CYRIB: variants seen among roughly 807,000 people sequenced by gnomAD.
The protein encoded by CYRIB is CYFIP-related Rac1 interactor B.
Under a neutral mutation model 44.2 loss-of-function variants are expected in CYRIB, and 8 were observed. The ratio of observed to expected loss-of-function variants is 0.18; its 90% confidence interval spans 0.11 to 0.33. The LOEUF (loss-of-function observed/expected upper bound fraction) is 0.33. Ranked by LOEUF, CYRIB falls within the 10% of genes least tolerant of loss-of-function variation. CYRIB has a pLI of 1.00. For missense variants in CYRIB, 185 were observed against 382.8 expected (o/e 0.48, Z 4.31); for synonymous variants, 131 against 127.2 (o/e 1.03, Z -0.20).
In CYRIB at chr8:129,954,515, G is replaced by A. The variant is rs541659281; in HGVS notation, c.-243+16428C>T. Among the ~76,000 whole-genome samples the A allele has an allele frequency of 1.6e-4, 17 of 103,742 alleles. No homozygotes were observed. In the East Asian group the frequency reaches 1.6e-3, roughly 10 times the overall value. 68.1% of individuals were successfully genotyped at this position (103,742 alleles called of 152,430 possible). On this transcript the variant is annotated intron_variant, in intron 2 of 14. Transcript: ENST00000401979. ...TGGGATTACGTGCTTGAGCCACTGCGCCTGGCCTAGTTTTTTAATTTAATA... is the reference window on the plus strand; with the variant it reads ...TGGGATTACGTGCTTGAGCCACTGCACCTGGCCTAGTTTTTTAATTTAATA...
At chr8:129,906,689 T>C (rs1351413818) in intron 1 of CYRIB, among the ~76,000 whole-genome samples, 4 of 152,150 alleles carry the variant, frequency 2.6e-5, no homozygotes, top group Middle Eastern at 6.3e-3. Context: ...GAGAAAATTT[T>C]TGCAATCTAC....
At position 129,876,710 on chromosome 8, in the gene CYRIB, A is replaced by AGTCACCCAACTGCAGAGACATATTGG. The variant is rs759543228; in HGVS notation, c.73+2653_73+2678dup. On this transcript the variant is annotated intron_variant, in intron 3 of 11. Coordinates refer to ENST00000519824, the Ensembl canonical transcript of CYRIB. ...GGTAATCTGCATGAATTATTTCTGT[A>AGTCACCCAACTGCAGAGACATATTGG]GTCACCCAACTGCAGAGACATATTG... Among the ~76,000 whole-genome samples, 735 of 150,524 alleles carry AGTCACCCAACTGCAGAGACATATTGG rather than the reference A, an allele frequency of 4.9e-3. 18 individuals are homozygous for AGTCACCCAACTGCAGAGACATATTGG. Among genetic ancestry groups the AGTCACCCAACTGCAGAGACATATTGG allele is most frequent in the Non-Finnish European group, 8.0e-3 (536 of 66,922 alleles).
intron 3 of CYRIB, 21 bp from the exon 6 acceptor site, chr8:129,871,517 A>G: frequency 6.2e-7 from 1 of 1,602,188 alleles, no homozygotes; most frequent in South Asian, 1.2e-5. Flanking sequence ...GGAAAGCACA[A>G]GAAAATTTAC....
chr8:129,980,439 A>G (rs2096177365), intron 1 of CYRIB, among the ~76,000 whole-genome samples: 1 of 152,198 alleles, frequency 6.6e-6, no homozygotes, highest in African/African-American at 2.4e-5. Context: ...AACATTAATT[A>G]TTACTGTGTA....
chr8:129,982,051 TCAACTTGTCCCCATTGGC>T (rs1475167375), intron 1 of CYRIB, among the ~76,000 whole-genome samples: 1 of 152,188 alleles, frequency 6.6e-6, no homozygotes, highest in Non-Finnish European at 1.5e-5. Flanking sequence ...GAACAGGGGA[TCAACTTGTCCCCATTGGC>T]CAGGGAATTT....
chr8:130,016,526 C>CAGT (rs894207035), upstream of CYRIB: 1 of 159,304 alleles, frequency 6.3e-6, no homozygotes, highest in Non-Finnish European at 1.3e-5. Context: ...GCAGCAGCAG[C>CAGT]AGCAGCCCGG....
At position 129,853,779 on chromosome 8, in the gene CYRIB, TATCAGGCACAG is replaced by T. The variant is rs1348948099; in HGVS notation, c.516+476_516+486del. On this transcript the variant is annotated intron_variant, in intron 7 of 11. Coordinates refer to ENST00000519824, the Ensembl canonical transcript of CYRIB. ...ACAAAGCCATTTTCTCAAACAGCTA[TATCAGGCACAG>T]ATGTGTTAACAGGCCATGACCTCAC... 5.3e-5 allele frequency among the ~76,000 whole-genome samples: 8 copies of T among 152,324 alleles called. No individual in the cohort carries two copies. In the East Asian group the frequency reaches 1.5e-3, roughly 29 times the overall value.
intron 4 of CYRIB, 107 bp downstream of exon 6, chr8:129,871,268 T>C: frequency 7.7e-7 from 1 of 1,293,794 alleles, no homozygotes; most frequent in Non-Finnish European, 1.0e-6. Context: ...CCTTCAAATA[T>C]AATACTTAAT....
chr8:129,867,611 A>G (rs938409993), intron 4 of CYRIB, among the ~76,000 whole-genome samples: 6 of 151,754 alleles, frequency 4.0e-5, no homozygotes, highest in Non-Finnish European at 8.8e-5. Context: ...AAAGTAAAAT[A>G]TATTAATATA....
intron 2 of CYRIB, among the ~76,000 whole-genome samples, chr8:129,960,588 A>G (rs1282471662): frequency 6.8e-6 from 1 of 147,318 alleles, no homozygotes; most frequent in Non-Finnish European, 1.5e-5. Context: ...CAGAGGTTGC[A>G]GTGAGCCAAG....
upstream of CYRIB, among the ~76,000 whole-genome samples, chr8:129,940,371 G>A (rs752273655): frequency 2.0e-5 from 3 of 152,250 alleles, no homozygotes; most frequent in Non-Finnish European, 4.4e-5. Context: ...CCAGGAGACT[G>A]TACTGTTACC....
chr8:129,978,850 T>A (rs756490007), intron 1 of CYRIB, among the ~76,000 whole-genome samples: 1 of 152,080 alleles, frequency 6.6e-6, no homozygotes, highest in Admixed American at 6.6e-5. Flanking sequence ...AATATATCAA[T>A]GTTGGCCGGG....
At chr8:129,983,959 T>C (rs933981711) in intron 1 of CYRIB, among the ~76,000 whole-genome samples, 24 of 152,174 alleles carry the variant, frequency 1.6e-4, no homozygotes, top group Admixed American at 1.4e-3. Context: ...CAGCCTCTGA[T>C]TGGAATCAAC....
chr8:129,952,971 GA>G (rs768498245), intron 2 of CYRIB, among the ~76,000 whole-genome samples: 1 of 152,074 alleles, frequency 6.6e-6, no homozygotes, highest in Non-Finnish European at 1.5e-5. Flanking sequence ...TCTTCATTCC[GA>G]ACCTTCTGTT....
chr8:129,893,255 G>A (rs765999373), intron 2 of CYRIB, among the ~76,000 whole-genome samples: 12 of 152,262 alleles, frequency 7.9e-5, no homozygotes, highest in Admixed American at 6.5e-4. Flanking sequence ...GGTGGTAGTC[G>A]TTTTAAATCA....
intron 2 of CYRIB, among the ~76,000 whole-genome samples, chr8:129,891,301 A>G (rs2065294131): frequency 6.6e-6 from 1 of 152,234 alleles, no homozygotes; most frequent in African/African-American, 2.4e-5. Flanking sequence ...CTAAATACAT[A>G]TATTAAAATC....
chr8:129,951,058 A>T (rs1389001178), intron 2 of CYRIB, among the ~76,000 whole-genome samples: 1 of 152,128 alleles, frequency 6.6e-6, no homozygotes, highest in African/African-American at 2.4e-5. Flanking sequence ...TAATCCCAGC[A>T]CTTTAGGAGG....
At chr8:129,862,692 G>A (rs939270289) in intron 4 of CYRIB, among the ~76,000 whole-genome samples, 3 of 152,026 alleles carry the variant, frequency 2.0e-5, no homozygotes, top group Non-Finnish European at 2.9e-5. Context: ...GGCTGGTCTC[G>A]AACTCCTGAC....
At chr8:129,916,693 T>C (rs1235952231) in intron 1 of CYRIB, among the ~76,000 whole-genome samples, 1 of 152,208 alleles carries the variant, frequency 6.6e-6, no homozygotes, top group Non-Finnish European at 1.5e-5. Context: ...CCCACATCAA[T>C]CCCTATAATT....
Sources: allele counts gnomAD v4.1 joint callset (sites outside exome capture counted in the v4.1 genomes callset), GRCh38; gene constraint gnomAD v4.1.1; transcripts MANE v1.5; gene names NCBI Gene and HGNC (gene_info 2026-07-23, HGNC 2026-07-21).